TMEM184B: variants seen among roughly 807,000 people sequenced by gnomAD.
TMEM184B encodes the protein transmembrane protein 184B.
TMEM184B carries 17 observed loss-of-function variants against 41.8 expected under a neutral mutation model. That is an observed-to-expected ratio of 0.41 (90% CI 0.28 to 0.61). The LOEUF is 0.61. TMEM184B is among the 20% of genes least tolerant of loss of function. TMEM184B has a pLI of 0.34. For missense variants in TMEM184B, 393 were observed against 557.8 expected, an observed-to-expected ratio of 0.70 and a Z score of 2.98; for synonymous variants, 240 against 229.5, an observed-to-expected ratio of 1.05 and a Z score of -0.41.
At position 38,219,530 on chromosome 22, in the gene TMEM184B, A is replaced by T. The variant is rs549606294; in HGVS notation, c.*1939T>A. On this transcript the variant is annotated 3_prime_UTR_variant, in exon 9 of 9. Coordinates refer to ENST00000361906, the MANE Select transcript of TMEM184B (RefSeq NM_012264.5). ...GCTACTCTACCTGGAAAGAAAATTA[A>T]AAAAAAAAAAGACAAGGTAGGTTAT... 235 of 648,414 alleles carry T rather than the reference A, an allele frequency of 3.6e-4. No individual in the cohort carries two copies. In the East Asian group the frequency reaches 5.6e-3, roughly 15 times the overall value. The allele number at this position is 648,414 out of a possible 1,614,324, so 40.2% of individuals were successfully genotyped here.
At chr22:38,263,806 G>A (rs950431848) in intron 1 of TMEM184B, among the ~76,000 whole-genome samples, 2 of 152,088 alleles carry the variant, frequency 1.3e-5, no homozygotes, top group African/African-American at 4.8e-5. Context: ...AAATATGTAG[G>A]TTTCTGTTTG....
At chr22:38,252,627 A>G (rs2092192020) in intron 1 of TMEM184B, among the ~76,000 whole-genome samples, 1 of 152,144 alleles carries the variant, frequency 6.6e-6, no homozygotes, top group Non-Finnish European at 1.5e-5. Flanking sequence ...TAGAGCAAGC[A>G]TCGGGCTTGG....
At chr22:38,232,751 G>A (rs1201739464) in intron 3 of TMEM184B, among the ~76,000 whole-genome samples, 1 of 152,110 alleles carries the variant, frequency 6.6e-6, no homozygotes, top group African/African-American at 2.4e-5. Flanking sequence ...CCTGGTCCCT[G>A]CCCAAGCTCC....
At chr22:38,222,488 G>T in intron 8 of TMEM184B, 1 of 530,826 alleles carries the variant, frequency 1.9e-6, no homozygotes, top group South Asian at 8.1e-5. Context: ...TCTACAGAGG[G>T]TGGCCCTTGA....
chr22:38,259,430 T>TGG (rs1246901054), intron 1 of TMEM184B, among the ~76,000 whole-genome samples: 1 of 152,110 alleles, frequency 6.6e-6, no homozygotes, highest in East Asian at 1.9e-4. Context: ...ATAACCTGGG[T>TGG]GGGCCCATGT....
rs536403214 is a variant in TMEM184B, at chr22:38,231,814, G to A, written c.359-480C>T. 34 of 273,614 alleles carry A rather than the reference G, an allele frequency of 1.2e-4. No individual in the cohort carries two copies. In the Admixed American group the frequency reaches 1.6e-3, roughly 13 times the overall value. 16.9% of individuals were successfully genotyped at this position (273,614 alleles called of 1,614,324 possible). A position where few individuals can be genotyped will look rare whatever the true frequency, so the allele number is the denominator to read the frequency against. Reference sequence around the variant, plus strand: ...GTTCTGGGCTGTAGTGTGCTACACTGATCTGGTGTCTGCACCAAGTCTGGC... The same window carrying A: ...GTTCTGGGCTGTAGTGTGCTACACTAATCTGGTGTCTGCACCAAGTCTGGC... On this transcript the variant is annotated intron_variant, in intron 3 of 8. Coordinates refer to ENST00000361906, the MANE Select transcript of TMEM184B (RefSeq NM_012264.5).
Position 38,220,849 on chromosome 22 carries a change from C to T in TMEM184B, c.*620G>A. On this transcript the variant is annotated 3_prime_UTR_variant, in exon 9 of 9. Transcript: ENST00000361906. ...TTCAACAGAAGCGGTGCCCAGGGGC[C>T]CTGAATGCCCTTCCTGGGTGGGGCC... 1 of 986,114 alleles carries T rather than the reference C, an allele frequency of 1.0e-6. No homozygotes were observed. Among genetic ancestry groups the T allele is most frequent in the Non-Finnish European group, 1.2e-6 (1 of 830,146 alleles). The allele number at this position is 986,114 out of a possible 1,614,324, so 61.1% of individuals were successfully genotyped here.
chr22:38,272,154 T>C (rs2092533606), intron 1 of TMEM184B, among the ~76,000 whole-genome samples: 1 of 152,180 alleles, frequency 6.6e-6, no homozygotes, highest in South Asian at 2.1e-4. Context: ...CCAGAGGGGA[T>C]ATGTATTGGG....
chr22:38,267,578 A>ACC (rs1333499359), intron 1 of TMEM184B, among the ~76,000 whole-genome samples: 6 of 151,862 alleles, frequency 4.0e-5, no homozygotes, highest in Non-Finnish European at 4.4e-5. Flanking sequence ...GTTTACAGGC[A>ACC]CATGCCACCA....
intron 3 of TMEM184B, among the ~76,000 whole-genome samples, chr22:38,235,847 A>C (rs370938509): frequency 3.9e-5 from 6 of 152,312 alleles, no homozygotes; most frequent in African/African-American, 1.2e-4. Flanking sequence ...AAGAGCGGAG[A>C]AGCTGAGACG....
chr22:38,252,765 G>A (rs1477685902), intron 1 of TMEM184B, among the ~76,000 whole-genome samples: 1 of 152,172 alleles, frequency 6.6e-6, no homozygotes, highest in African/African-American at 2.4e-5. Context: ...ACTTCTCTCG[G>A]AGCCTCAGTT....
intron 3 of TMEM184B, among the ~76,000 whole-genome samples, chr22:38,242,177 A>G (rs896420603): frequency 2.6e-5 from 4 of 151,910 alleles, no homozygotes; most frequent in African/African-American, 9.7e-5. Context: ...TAACAAAGAA[A>G]AAAAGCAGGG....
At chr22:38,242,782 G>C (rs1436403251) in intron 3 of TMEM184B, among the ~76,000 whole-genome samples, 1 of 152,184 alleles carries the variant, frequency 6.6e-6, no homozygotes, top group African/African-American at 2.4e-5. Flanking sequence ...TGGTGAACTT[G>C]GCCAGGCACG....
chr22:38,225,406 T>G lies in TMEM184B; in HGVS notation c.787+18A>C, dbSNP rs1222599150. On this transcript the variant is annotated intron_variant, in intron 7 of 8. Transcript: ENST00000361906. The surrounding 1 kb of genome is among the most constrained non-coding windows in gnomAD (Gnocchi z 4.4). The stretch of plus-strand genomic sequence containing the variant: ...CAGGGTGGCATGGGCAGCCTCCAGG[T>G]GCTGGGAGGGGGCTCACCTTGCCAG... 6.5e-7 allele frequency: 1 copy of G among 1,541,034 alleles called. No individual in the cohort carries two copies. The highest frequency in any genetic ancestry group is 8.7e-7 in the Non-Finnish European group (1 of 1,147,566).
chr22:38,219,604 T>C lies in TMEM184B; in HGVS notation c.*1865A>G. ...TGGAGCGGTCGGGCACATGTTCCCG[T>C]CCCCACGACCCCACGGACCGCTGAT... On this transcript the variant is annotated 3_prime_UTR_variant, in exon 9 of 9. Coordinates refer to ENST00000361906, the MANE Select transcript of TMEM184B (RefSeq NM_012264.5). 1 of 984,260 alleles carries C rather than the reference T, an allele frequency of 1.0e-6. No individual in the cohort carries two copies. The highest frequency in any genetic ancestry group is 4.7e-5 in the South Asian group (1 of 21,244). 61.0% of individuals were successfully genotyped at this position (984,260 alleles called of 1,614,324 possible).
In TMEM184B at chr22:38,226,581, T is replaced by C. The variant is rs2091446362; in HGVS notation, c.617+198A>G. ...TGGACATGAACGTGACTGCTGCCAATGGCTCACTCCGGGGCTGGCAGCGGG... is the reference window on the plus strand; with the variant it reads ...TGGACATGAACGTGACTGCTGCCAACGGCTCACTCCGGGGCTGGCAGCGGG... On this transcript the variant is annotated intron_variant, in intron 6 of 8. Transcript: ENST00000361906. The surrounding 1 kb of genome is among the most constrained non-coding windows in gnomAD (Gnocchi z 4.6). The C allele has an allele frequency of 2.0e-5, 11 of 541,380 alleles. No homozygotes were observed. Among genetic ancestry groups the C allele is most frequent in the Non-Finnish European group, 3.0e-5 (9 of 297,438 alleles). 33.5% of individuals were successfully genotyped at this position (541,380 alleles called of 1,614,324 possible).
Position 38,225,416 on chromosome 22 carries a change from G to C in TMEM184B, c.787+8C>G, listed in dbSNP as rs1214986640. The C allele has an allele frequency of 6.4e-7, 1 of 1,553,442 alleles. No homozygotes were observed. The highest frequency in any genetic ancestry group is 8.7e-7 in the Non-Finnish European group (1 of 1,152,638). ...TGGGCAGCCTCCAGGTGCTGGGAGG[G>C]GGCTCACCTTGCCAGAAGGAAAGAA... On this transcript the variant is annotated splice_region_variant and intron_variant, in intron 7 of 8. Coordinates refer to ENST00000361906, the MANE Select transcript of TMEM184B (RefSeq NM_012264.5). The surrounding 1 kb of genome is among the most constrained non-coding windows in gnomAD (Gnocchi z 4.4).
chr22:38,234,874 T>C (rs2091731767), intron 3 of TMEM184B, among the ~76,000 whole-genome samples: 1 of 152,200 alleles, frequency 6.6e-6, no homozygotes, highest in African/African-American at 2.4e-5. Flanking sequence ...GGCAAGTGTC[T>C]TAAGCGCTCC....
chr22:38,247,267 G>A (rs1008703453), intron 2 of TMEM184B, among the ~76,000 whole-genome samples: 2 of 152,222 alleles, frequency 1.3e-5, no homozygotes, highest in African/African-American at 2.4e-5. Flanking sequence ...TGTTTAGGCT[G>A]GACACGAGAC....
Sources: allele counts gnomAD v4.1 joint callset (sites outside exome capture counted in the v4.1 genomes callset), GRCh38; gene constraint gnomAD v4.1.1; non-coding constraint Gnocchi (gnomAD v3.1); transcripts MANE v1.5; gene names NCBI Gene and HGNC (gene_info 2026-07-23, HGNC 2026-07-21).